MARCHF1: variants seen among roughly 807,000 people sequenced by gnomAD.
MARCHF1 encodes E3 ubiquitin-protein ligase MARCHF1.
In MARCHF1, 40 loss-of-function variants were observed where a neutral mutation model predicts 54.2. The ratio of observed to expected loss-of-function variants is 0.74; its 90% CI spans 0.57 to 0.96. MARCHF1 has a LOEUF of 0.96. MARCHF1 is among the 40% of genes least tolerant of loss of function. The pLI is 0.00. For synonymous variants in MARCHF1, 236 were observed against 236.3 expected, an observed-to-expected ratio of 1.00 and a Z score of 0.01; for missense variants, 586 against 656.5, an observed-to-expected ratio of 0.89 and a Z score of 1.17.
intron 2 of MARCHF1, among the ~76,000 whole-genome samples, chr4:164,056,562 T>C (rs1345511743): frequency 6.6e-6 from 1 of 152,124 alleles, no homozygotes; most frequent in Non-Finnish European, 1.5e-5. Context: ...TTCTGGGAAG[T>C]CCATCCTAAA....
Position 164,274,675 on chromosome 4 carries a change from T to C in MARCHF1, c.-323+109195A>G, listed in dbSNP as rs1579680946. ...CAGGGTACACTTTTTTTTTTTTTTT[T>C]TTTTTTTTTTTTTTTTTTTTAGACG... On this transcript the variant is annotated intron_variant, in intron 1 of 9. Transcript: ENST00000514618. 4.1e-5 allele frequency among the ~76,000 whole-genome samples: 5 copies of C among 120,484 alleles called. 1 individual carries two copies. Among genetic ancestry groups the C allele is most frequent in the Admixed American group, 8.3e-5 (1 of 12,004 alleles). The allele number at this position is 120,484 out of a possible 152,430, so 79.0% of individuals were successfully genotyped here.
chr4:163,674,771 T>G (rs1175101446), intron 5 of MARCHF1, among the ~76,000 whole-genome samples: 2 of 152,214 alleles, frequency 1.3e-5, no homozygotes. Context: ...TATGTATATT[T>G]GTGCTTAGGC....
chr4:164,176,962 CTCTCTCTCTCTCTCTCTCTATATATATAT>C lies in MARCHF1; in HGVS notation c.-322-65329_-322-65301del, dbSNP rs1730686464. 1.4e-4 allele frequency among the ~76,000 whole-genome samples: 6 copies of C among 42,292 alleles called. 1 individual carries two copies. The highest frequency in any genetic ancestry group is 2.5e-4 in the Non-Finnish European group (6 of 24,012). 27.7% of individuals were successfully genotyped at this position (42,292 alleles called of 152,430 possible). On this transcript the variant is annotated intron_variant, in intron 1 of 9. Coordinates refer to ENST00000514618, the MANE Select transcript of MARCHF1 (RefSeq NM_001394959.1). ...GTGCGCTCTCTCTCTCTCTCTCTCT[CTCTCTCTCTCTCTCTCTCTATATATATAT>C]ATATATATATATATATATACAAATG...
intron 3 of MARCHF1, among the ~76,000 whole-genome samples, chr4:163,895,161 G>A (rs1387737427): frequency 1.3e-5 from 2 of 152,186 alleles, no homozygotes; most frequent in Non-Finnish European, 2.9e-5. Flanking sequence ...TAAGACGTAT[G>A]TGTGTATAAC....
chr4:163,839,366 AT>A (rs1278747389), intron 4 of MARCHF1, among the ~76,000 whole-genome samples: 1 of 152,054 alleles, frequency 6.6e-6, no homozygotes, highest in Non-Finnish European at 1.5e-5. Context: ...ACTCCTAAGC[AT>A]CTAACCAAGA....
intron 4 of MARCHF1, among the ~76,000 whole-genome samples, chr4:163,721,020 T>A (rs1382477292): frequency 6.6e-6 from 1 of 152,208 alleles, no homozygotes; most frequent in Non-Finnish European, 1.5e-5. Context: ...TACCTTTTAT[T>A]TCTTTCTCCT....
intron 2 of MARCHF1, among the ~76,000 whole-genome samples, chr4:164,006,512 T>C (rs1048265686): frequency 1.3e-5 from 2 of 152,104 alleles, no homozygotes; most frequent in South Asian, 2.1e-4. Context: ...CTAAGAGTTA[T>C]TGGTGTTGAG....
intron 7 of MARCHF1, among the ~76,000 whole-genome samples, chr4:163,597,768 G>A (rs961500503): frequency 6.6e-6 from 1 of 152,100 alleles, no homozygotes; most frequent in African/African-American, 2.4e-5. Context: ...CATGCCATGA[G>A]TTATCAGTAG....
chr4:163,866,906 C>T (rs1750064185), intron 3 of MARCHF1, among the ~76,000 whole-genome samples: 1 of 151,882 alleles, frequency 6.6e-6, no homozygotes, highest in South Asian at 2.1e-4. Context: ...GGACATGTTA[C>T]TCTCCCAACA....
chr4:163,935,051 G>T (rs557279533), intron 3 of MARCHF1, among the ~76,000 whole-genome samples: 1 of 152,082 alleles, frequency 6.6e-6, no homozygotes, highest in East Asian at 1.9e-4. Flanking sequence ...CAACAGAATC[G>T]GTGTTGTGTT....
intron 3 of MARCHF1, among the ~76,000 whole-genome samples, chr4:163,949,500 T>C (rs1752089715): frequency 6.6e-6 from 1 of 152,334 alleles, no homozygotes; most frequent in African/African-American, 2.4e-5. Flanking sequence ...GTCAGCTCGT[T>C]TGTGTTACAG....
In MARCHF1 at chr4:164,017,485, C is replaced by G. The variant is rs184172756; in HGVS notation, c.-247-28776G>C. The stretch of plus-strand genomic sequence containing the variant: ...TAAGACAAATTACACAATTGAAAAC[C>G]AATATGCAAGATGTCAATTGTATTT... On this transcript the variant is annotated intron_variant, in intron 2 of 9. Coordinates refer to ENST00000514618, the MANE Select transcript of MARCHF1 (RefSeq NM_001394959.1). Among the ~76,000 whole-genome samples, 118 of 151,790 alleles carry G rather than the reference C, an allele frequency of 7.8e-4. 2 individuals are homozygous for G. The East Asian group carries it at 0.02, about 26-fold the overall frequency.
At chr4:163,533,665 T>C (rs1738433587) in intron 9 of MARCHF1, among the ~76,000 whole-genome samples, 1 of 133,182 alleles carries the variant, frequency 7.5e-6, no homozygotes, top group Non-Finnish European at 1.6e-5. Flanking sequence ...GCTCCAAAAA[T>C]AGTCTTTTAT....
chr4:164,366,426 CAT>C (rs1305609107), intron 1 of MARCHF1, among the ~76,000 whole-genome samples: 1 of 151,850 alleles, frequency 6.6e-6, no homozygotes, highest in Admixed American at 6.6e-5. Flanking sequence ...TAAAGAATAA[CAT>C]AAATATAACT....
chr4:163,765,847 C>T (rs898983532), intron 4 of MARCHF1, among the ~76,000 whole-genome samples: 1 of 143,956 alleles, frequency 6.9e-6, no homozygotes, highest in Non-Finnish European at 1.5e-5. Context: ...GATATAGATA[C>T]ATATAGATAT....
intron 4 of MARCHF1, among the ~76,000 whole-genome samples, chr4:163,763,007 A>G (rs1017528231): frequency 6.6e-6 from 1 of 152,148 alleles, no homozygotes; most frequent in Non-Finnish European, 1.5e-5. Context: ...GGAATCCTCA[A>G]TGTGCTTGTA....
intron 1 of MARCHF1, among the ~76,000 whole-genome samples, chr4:164,346,612 A>G (rs1248673256): frequency 0.041 from 45 of 1,110 alleles, no homozygotes; most frequent in South Asian, 0.26. Context: ...ATGTATATAT[A>G]TATATATATA....
intron 4 of MARCHF1, among the ~76,000 whole-genome samples, chr4:163,709,621 A>C (rs1745048344): frequency 6.6e-6 from 1 of 152,178 alleles, no homozygotes; most frequent in Non-Finnish European, 1.5e-5. Context: ...GTTAATGTTC[A>C]TATTCTCCAA....
At chr4:164,095,227 C>T (rs1189919920) in intron 2 of MARCHF1, among the ~76,000 whole-genome samples, 1 of 152,072 alleles carries the variant, frequency 6.6e-6, no homozygotes, top group Non-Finnish European at 1.5e-5. Context: ...TCCTCATTAG[C>T]CACCACTCAA....
Sources: allele counts gnomAD v4.1 joint callset (sites outside exome capture counted in the v4.1 genomes callset), GRCh38; gene constraint gnomAD v4.1.1; transcripts MANE v1.5; gene names NCBI Gene and HGNC (gene_info 2026-07-23, HGNC 2026-07-21).